TSHZ2: variants seen among roughly 807,000 people sequenced by gnomAD.
TSHZ2 encodes the protein teashirt homolog 2.
In TSHZ2, 21 loss-of-function variants were observed where a neutral mutation model predicts 74.4. The ratio of observed to expected loss-of-function variants is 0.28; its 90% CI spans 0.20 to 0.41. The LOEUF (loss-of-function observed/expected upper bound fraction) is 0.41. Ranked by LOEUF, TSHZ2 falls within the 10% of genes least tolerant of loss-of-function variation. The probability of loss-of-function intolerance (pLI) is 1.00; values close to 1 mark genes in which losing one functional copy is unlikely to be tolerated. For synonymous variants in TSHZ2, 540 were observed against 515.3 expected (o/e 1.05, Z -0.65); for missense variants, 1,244 against 1,293.5 (o/e 0.96, Z 0.59).
chr20:53,169,805 G>T (rs1182358957), intron 1 of TSHZ2, among the ~76,000 whole-genome samples: 3 of 152,136 alleles, frequency 2.0e-5, no homozygotes, highest in African/African-American at 7.2e-5. Context: ...TTTTGCACAT[G>T]TGCATGCCCA....
intron 1 of TSHZ2, among the ~76,000 whole-genome samples, chr20:53,041,183 A>G (rs1314946980): frequency 6.6e-6 from 1 of 152,228 alleles, no homozygotes; most frequent in Non-Finnish European, 1.5e-5. Context: ...AGATTAATTT[A>G]TGGCCCATGT....
chr20:53,370,215 C>G (rs1981417210), intron 2 of TSHZ2, among the ~76,000 whole-genome samples: 1 of 152,002 alleles, frequency 6.6e-6, no homozygotes, highest in Admixed American at 6.6e-5. Context: ...GAATCCTGAG[C>G]CGACGAGGGC....
intron 1 of TSHZ2, among the ~76,000 whole-genome samples, chr20:53,070,224 C>T (rs1468670206): frequency 6.6e-6 from 1 of 152,190 alleles, no homozygotes; most frequent in African/African-American, 2.4e-5. Flanking sequence ...ATCACTAGCA[C>T]TCCTCATCTA....
At chr20:53,344,787 G>A (rs1208299371) in intron 2 of TSHZ2, among the ~76,000 whole-genome samples, 1 of 152,128 alleles carries the variant, frequency 6.6e-6, no homozygotes, top group Non-Finnish European at 1.5e-5. Context: ...TAGAGATAAA[G>A]TTTACAACCT....
chr20:53,284,780 G>A (rs1025489413), intron 2 of TSHZ2, among the ~76,000 whole-genome samples: 4 of 148,602 alleles, frequency 2.7e-5, no homozygotes, highest in Non-Finnish European at 5.9e-5. Flanking sequence ...GAAATAGAGA[G>A]AGGAAGAGAG....
At chr20:53,309,282 T>C (rs1978678758) in intron 2 of TSHZ2, among the ~76,000 whole-genome samples, 1 of 152,212 alleles carries the variant, frequency 6.6e-6, no homozygotes, top group Non-Finnish European at 1.5e-5. Flanking sequence ...TCTTCTGAAA[T>C]CAGGTTCTGG....
chr20:53,404,048 A>C (rs1982763211), intron 2 of TSHZ2, among the ~76,000 whole-genome samples: 1 of 152,234 alleles, frequency 6.6e-6, no homozygotes, highest in African/African-American at 2.4e-5. Flanking sequence ...GGATTTCTAG[A>C]ATATGACCTG....
At chr20:53,426,284 C>T (rs1167305330) in intron 2 of TSHZ2, among the ~76,000 whole-genome samples, 1 of 152,100 alleles carries the variant, frequency 6.6e-6, no homozygotes, top group Non-Finnish European at 1.5e-5. Flanking sequence ...GCCCTCAGGT[C>T]CTGTGTAAAA....
chr20:53,330,712 A>C (rs1490836895), intron 2 of TSHZ2, among the ~76,000 whole-genome samples: 1 of 152,242 alleles, frequency 6.6e-6, no homozygotes, highest in Non-Finnish European at 1.5e-5. Context: ...AAATGTGTGC[A>C]TGAAATGTGA....
chr20:53,140,504 C>T (rs571833825), intron 1 of TSHZ2, among the ~76,000 whole-genome samples: 18 of 141,530 alleles, frequency 1.3e-4, no homozygotes, highest in African/African-American at 4.9e-4. Context: ...CACGCCACTG[C>T]ACTCCAGCCT....
intron 1 of TSHZ2, among the ~76,000 whole-genome samples, chr20:53,107,338 C>A (rs923713786): frequency 6.6e-6 from 1 of 152,208 alleles, no homozygotes; most frequent in Non-Finnish European, 1.5e-5. Context: ...CCTCAGTTTC[C>A]TCATCTATAA....
rs184352160 is a variant in TSHZ2, at chr20:53,404,292, G to A, written c.*9-82852G>A. The stretch of plus-strand genomic sequence containing the variant: ...ATTCACCTAAGATTTCTCTGGCTCC[G>A]AGTTCAGATTTCATGCCAATTAACA... On this transcript the variant is annotated intron_variant, in intron 2 of 2. Transcript: ENST00000371497. Among the ~76,000 whole-genome samples, 5 of 152,228 alleles carry A rather than the reference G, an allele frequency of 3.3e-5. No individual in the cohort carries two copies. In the East Asian group the frequency reaches 7.7e-4, roughly 23 times the overall value.
rs142571574 is a variant in TSHZ2, at chr20:52,981,861, C to T, written c.40+8528C>T. Among the ~76,000 whole-genome samples the T allele has an allele frequency of 7.9e-5, 12 of 152,302 alleles. No homozygotes were observed. In the East Asian group the frequency reaches 1.5e-3, roughly 20 times the overall value. On this transcript the variant is annotated intron_variant, in intron 1 of 2. Coordinates refer to ENST00000371497, the MANE Select transcript of TSHZ2 (RefSeq NM_173485.6). ...ATATGTTTACATTTATTCGTTTACACGGCAGTTATTTCTTGAGTTCCTACT... is the reference window on the plus strand; with the variant it reads ...ATATGTTTACATTTATTCGTTTACATGGCAGTTATTTCTTGAGTTCCTACT...
chr20:53,434,435 C>G (rs1314504138), intron 2 of TSHZ2, among the ~76,000 whole-genome samples: 2 of 152,128 alleles, frequency 1.3e-5, no homozygotes, highest in African/African-American at 2.4e-5. Flanking sequence ...AAGAGTAACT[C>G]ATAAGAAGTA....
intron 1 of TSHZ2, among the ~76,000 whole-genome samples, chr20:53,057,498 T>G (rs1452028721): frequency 3.3e-5 from 5 of 151,412 alleles, no homozygotes; most frequent in Admixed American, 2.6e-4. Flanking sequence ...GTTATGTATG[T>G]TTTTTTTTCT....
intron 2 of TSHZ2, among the ~76,000 whole-genome samples, chr20:53,434,904 G>A (rs970712314): frequency 2.0e-5 from 3 of 152,224 alleles, no homozygotes; most frequent in African/African-American, 4.8e-5. Context: ...CTCCTCGAGC[G>A]TGTTTGTTCA....
At chr20:53,296,054 A>AAT (rs1991374233) in intron 2 of TSHZ2, among the ~76,000 whole-genome samples, 3 of 149,326 alleles carry the variant, frequency 2.0e-5, no homozygotes, top group Non-Finnish European at 3.0e-5. Context: ...AAAAAAAAAA[A>AAT]ATCCAGGCAG....
At chr20:53,259,201 G>A (rs1990549352) in intron 2 of TSHZ2, among the ~76,000 whole-genome samples, 2 of 152,192 alleles carry the variant, frequency 1.3e-5, no homozygotes, top group Non-Finnish European at 2.9e-5. Context: ...AGCACAAATT[G>A]TGCAAAGTGA....
chr20:53,140,433 A>T (rs549015547), intron 1 of TSHZ2, among the ~76,000 whole-genome samples: 1 of 149,362 alleles, frequency 6.7e-6, no homozygotes, highest in African/African-American at 2.5e-5. Flanking sequence ...CCAGCTACTC[A>T]GGAGGCTGAG....
Sources: allele counts gnomAD v4.1 joint callset (sites outside exome capture counted in the v4.1 genomes callset), GRCh38; gene constraint gnomAD v4.1.1; transcripts MANE v1.5; gene names NCBI Gene and HGNC (gene_info 2026-07-23, HGNC 2026-07-21).